BDKRB1: variants seen among roughly 807,000 people sequenced by gnomAD.
The protein encoded by BDKRB1 is bradykinin receptor B1, also known as B1 bradykinin receptor.
For missense variants in BDKRB1, 414 were observed against 441.4 expected, an observed-to-expected ratio of 0.94 and a Z score of 0.56; for synonymous variants, 192 against 189.1, an observed-to-expected ratio of 1.02 and a Z score of -0.13.
chr14:96,260,049 G>C (rs761145966), intron 1 of BDKRB1, among the ~76,000 whole-genome samples: 5 of 144,236 alleles, frequency 3.5e-5, no homozygotes, highest in Non-Finnish European at 7.5e-5. Context: ...TTTTGAGACA[G>C]AGTCTCACTC....
intron 1 of BDKRB1, among the ~76,000 whole-genome samples, chr14:96,258,677 T>C (rs1885673293): frequency 6.6e-6 from 1 of 152,102 alleles, no homozygotes; most frequent in African/African-American, 2.4e-5. Context: ...CCTGCCACCA[T>C]GCCCGGCTAA....
rs756885188 is a variant in BDKRB1 at position 96,264,119 on chromosome 14, G to C, written c.437G>C (p.Arg146Pro). The change falls in exon 3 of 3, where the codon CGG (arginine) becomes CCG (proline). Residue 146 changes from arginine to proline, a missense_variant. Arg to Pro is a moderately radical substitution (Grantham distance 103, BLOSUM62 -2). Coordinates refer to ENST00000216629, the MANE Select transcript of BDKRB1 (RefSeq NM_000710.4). ...YRVLVHPMAS[R>P]RQQRRRQARV... ...GTGCTGGTGCACCCTATGGCCAGCC[G>C]GAGGCAGCAGCGGCGGAGGCAGGCC... is the stretch of plus-strand genomic sequence containing the variant. The C allele has an allele frequency of 6.3e-7, 1 of 1,595,534 alleles. No homozygotes were observed. The highest frequency in any genetic ancestry group is 8.5e-7 in the Non-Finnish European group (1 of 1,170,328).
chr14:96,264,476 C>T lies in BDKRB1; in HGVS notation c.794C>T (p.Pro265Leu). 1 of 1,614,184 alleles carries T rather than the reference C, an allele frequency of 6.2e-7. No homozygotes were observed. The highest frequency in any genetic ancestry group is 8.5e-7 in the Non-Finnish European group (1 of 1,180,042). Residue 265 changes from proline to leucine, a missense_variant, in exon 3 of 3, where the codon CCT (proline) becomes CTT (leucine). Physicochemically the swap from Pro to Leu is moderately conservative, Grantham distance 98. Transcript: ENST00000216629. Reference protein sequence around the residue: ...LVVAFLVCWAPYHFFAFLEFL... With the variant: ...LVVAFLVCWALYHFFAFLEFL... ...GTTGCCTTCCTGGTCTGCTGGGCCC[C>T]TTACCACTTCTTTGCCTTCCTGGAA...
chr14:96,262,606 C>CTTTTTTTTTTTTTTTTTTTTTTTTTTTT, intron 1 of BDKRB1, 46 bp from the exon 2 acceptor site: 20 of 308,800 alleles, frequency 6.5e-5, no homozygotes, highest in South Asian at 1.3e-4. Context: ...TCTCTCTCTC[C>CTTTTTTTTTTTTTTTTTTTTTTTTTTTT]TTTTTTTTTT....
chr14:96,259,932 C>T (rs1002388499), intron 1 of BDKRB1: 1 of 152,072 alleles, frequency 6.6e-6, no homozygotes, highest in African/African-American at 2.4e-5. Flanking sequence ...AAAGAACAGT[C>T]ATTTGATCTA....
rs34474132 is a variant in BDKRB1, at chr14:96,262,606, C to CTTTTTTTT, written c.-129-33_-129-26dup. ...TTTTTCTTTTCTCTCTCTCTCTCTC[C>CTTTTTTTT]TTTTTTTTTTTTTTTTTTTTGTTGT... On this transcript the variant is annotated intron_variant, in intron 1 of 2. Transcript: ENST00000216629. 951 of 310,460 alleles carry CTTTTTTTT rather than the reference C, an allele frequency of 3.1e-3. 1 individual carries two copies. The highest frequency in any genetic ancestry group is 3.9e-3 in the South Asian group (186 of 47,234). The allele number at this position is 310,460 out of a possible 1,614,324, so 19.2% of individuals were successfully genotyped here. A position where few individuals can be genotyped will look rare whatever the true frequency, so the allele number is the denominator to read the frequency against.
At position 96,262,731 on chromosome 14, in the gene BDKRB1, G is replaced by A. The variant is rs1362067885; in HGVS notation, c.-50G>A. ...CAGCCTCGACCTTCCAGGCTTAAAC[G>A]ATTCTCCCACCTCAGCCTCTCGAGT... On this transcript the variant is annotated 5_prime_UTR_variant, in exon 2 of 3. Coordinates refer to ENST00000216629, the MANE Select transcript of BDKRB1 (RefSeq NM_000710.4). 4 of 438,448 alleles carry A rather than the reference G, an allele frequency of 9.1e-6. No homozygotes were observed. The highest frequency in any genetic ancestry group is 5.9e-4 in the Middle Eastern group (1 of 1,686). 27.2% of individuals were successfully genotyped at this position (438,448 alleles called of 1,614,324 possible). A position where few individuals can be genotyped will look rare whatever the true frequency, so the allele number is the denominator to read the frequency against.
At chr14:96,262,552 T>C in intron 1 of BDKRB1, 100 bp from the exon 2 acceptor site, 1 of 407,158 alleles carries the variant, frequency 2.5e-6, no homozygotes, top group Non-Finnish European at 4.7e-6. Context: ...GTTGTTATCC[T>C]TATTTATTAC....
At chr14:96,259,116 A>G in intron 1 of BDKRB1, among the ~76,000 whole-genome samples, 1 of 152,184 alleles carries the variant, frequency 6.6e-6, no homozygotes. Context: ...TTTGTTTTCA[A>G]TATTTATAAT....
chr14:96,256,824 T>C (rs1389643609), intron 1 of BDKRB1, among the ~76,000 whole-genome samples: 1 of 152,206 alleles, frequency 6.6e-6, no homozygotes, highest in Non-Finnish European at 1.5e-5. Flanking sequence ...CTGTTGAAAT[T>C]GGAGTTAATT....
chr14:96,264,192 C>T lies in BDKRB1; in HGVS notation c.510C>T (p.Ile170=). 6.2e-7 allele frequency: 1 copy of T among 1,610,764 alleles called. No individual in the cohort carries two copies. Among genetic ancestry groups the T allele is most frequent in the Non-Finnish European group, 8.5e-7 (1 of 1,177,712 alleles). The stretch of plus-strand genomic sequence containing the variant: ...GGGTTGTGGGGGGCCTCTTGAGCAT[C>T]CCCACATTCCTGCTGCGATCCATCC... ...LIWVVGGLLS[I]PTFLLRSIQA... is the part of the protein sequence containing the mutation. The change falls in exon 3 of 3, where the codon ATC becomes ATT. Residue 170 remains isoleucine, a synonymous_variant. Transcript: ENST00000216629.
intron 2 of BDKRB1, 91 bp from the exon 3 acceptor site, chr14:96,263,582 C>T: frequency 7.2e-7 from 1 of 1,379,460 alleles, no homozygotes; most frequent in Non-Finnish European, 9.7e-7. Context: ...GCCAATAAAA[C>T]TTTATTGTCC....
At chr14:96,258,028 GA>G (rs1395438373) in intron 1 of BDKRB1, among the ~76,000 whole-genome samples, 1 of 148,796 alleles carries the variant, frequency 6.7e-6, no homozygotes, top group East Asian at 2.0e-4. Flanking sequence ...GAAGGAAGGG[GA>G]AAAAATCCAA....
intron 1 of BDKRB1, among the ~76,000 whole-genome samples, chr14:96,262,433 C>G (rs76210574): frequency 0.01 from 1,590 of 152,224 alleles, 7 homozygotes; most frequent in Non-Finnish European, 0.015. Context: ...ATGACAATGG[C>G]CCCTACCTTG....
rs1467734176 is a variant in BDKRB1 at position 96,264,510 on chromosome 14, C to T, written c.828C>T (p.Phe276=). 1 of 1,614,042 alleles carries T rather than the reference C, an allele frequency of 6.2e-7. No homozygotes were observed. Among genetic ancestry groups the T allele is most frequent in the African/African-American group, 1.3e-5 (1 of 74,916 alleles). The part of the protein sequence containing the change: ...YHFFAFLEFL[F]QVQAVRGCFW... ...TCTTTGCCTTCCTGGAATTCTTATT[C>T]CAGGTGCAAGCAGTCCGAGGCTGCT... Residue 276 remains phenylalanine (F), a synonymous_variant, in exon 3 of 3, where the codon TTC becomes TTT. Coordinates refer to ENST00000216629, the MANE Select transcript of BDKRB1 (RefSeq NM_000710.4).
In BDKRB1 at chr14:96,263,718, C is replaced by T. The variant is rs1335612881; in HGVS notation, c.36C>T (p.Ser12=). ...CCTGGCCCCCTCTAGAGCTCCAATC[C>T]TCCAACCAGAGCCAGCTCTTCCCTC... ...ASSWPPLELQ[S]SNQSQLFPQN... is the part of the protein sequence containing the mutation. The change falls in exon 3 of 3, where the codon TCC becomes TCT. Residue 12 remains serine, a synonymous_variant. Transcript: ENST00000216629. 6.2e-7 allele frequency: 1 copy of T among 1,614,078 alleles called. No homozygotes were observed. Among genetic ancestry groups the T allele is most frequent in the East Asian group, 2.2e-5 (1 of 44,882 alleles).
In BDKRB1 at chr14:96,263,775, A is replaced by G. The variant is rs1344741366; in HGVS notation, c.93A>G (p.Glu31=). ...QNATACDNAP[E]AWDLLHRVLP... is the part of the protein sequence containing the mutation. ...CTACGGCCTGTGACAATGCTCCAGA[A>G]GCCTGGGACCTGCTGCACAGAGTGC... The change falls in exon 3 of 3, where the codon GAA becomes GAG. Residue 31 remains glutamate (E), a synonymous_variant. Coordinates refer to ENST00000216629, the MANE Select transcript of BDKRB1 (RefSeq NM_000710.4). The G allele has an allele frequency of 1.2e-6, 2 of 1,614,094 alleles. No homozygotes were observed. The highest frequency in any genetic ancestry group is 8.5e-7 in the Non-Finnish European group (1 of 1,180,048).
Position 96,264,009 on chromosome 14 carries a change from C to G in BDKRB1, c.327C>G (p.Leu109=). The change falls in exon 3 of 3, where the codon CTC becomes CTG. Residue 109 remains leucine (L), a synonymous_variant. Transcript: ENST00000216629. The part of the protein sequence containing the change: ...NQFNWPFGAL[L]CRVINGVIKA... ...TTAACTGGCCTTTCGGAGCCCTCCT[C>G]TGCCGTGTCATCAACGGGGTCATCA... 1.2e-6 allele frequency: 2 copies of G among 1,614,194 alleles called. No homozygotes were observed. Among genetic ancestry groups the G allele is most frequent in the Non-Finnish European group, 1.7e-6 (2 of 1,179,994 alleles).
intron 1 of BDKRB1, among the ~76,000 whole-genome samples, chr14:96,262,311 G>A (rs1298601196): frequency 1.3e-5 from 2 of 152,180 alleles, no homozygotes; most frequent in East Asian, 3.9e-4. Context: ...TCTCAATCAG[G>A]CTCTTGAATC....
Sources: gnomAD v4.1 joint callset for allele counts (sites outside exome capture counted in the v4.1 genomes callset) on GRCh38, gnomAD v4.1.1 for gene constraint, MANE v1.5 for transcripts, NCBI Gene and HGNC (gene_info 2026-07-23, HGNC 2026-07-21) for gene names.